BICD1: variants seen among roughly 807,000 people sequenced by gnomAD.
BICD1 encodes the protein BICD cargo adaptor 1.
A neutral mutation model predicts 92.5 loss-of-function variants in BICD1; 35 were observed. The observed-to-expected ratio is 0.38, with a 90% confidence interval of 0.29 to 0.50. The LOEUF (loss-of-function observed/expected upper bound fraction) is 0.50. BICD1 is among the 20% of genes least tolerant of loss of function. The pLI, the probability that BICD1 is intolerant of heterozygous loss-of-function variation, is 0.93. For synonymous variants in BICD1, 429 were observed against 465.1 expected (o/e 0.92, Z 1.00); for missense variants, 950 against 1,189.8 (o/e 0.80, Z 2.97).
chr12:32,279,381 G>A (rs772622361), intron 2 of BICD1, among the ~76,000 whole-genome samples: 9 of 152,300 alleles, frequency 5.9e-5, no homozygotes, highest in Non-Finnish European at 1.3e-4. Flanking sequence ...AAATATATGA[G>A]TTATAGCTCG....
At chr12:32,369,385 G>C (rs1939644777) in intron 9 of BICD1, among the ~76,000 whole-genome samples, 1 of 152,236 alleles carries the variant, frequency 6.6e-6, no homozygotes, top group Non-Finnish European at 1.5e-5. Flanking sequence ...CCAGGGGAAG[G>C]CTTCTTTTGA....
At chr12:32,114,378 ACTTT>A (rs1279739760) in intron 1 of BICD1, among the ~76,000 whole-genome samples, 2 of 151,818 alleles carry the variant, frequency 1.3e-5, no homozygotes, top group Non-Finnish European at 2.9e-5. Flanking sequence ...CAGATCCTCA[ACTTT>A]CTTTTTTTTC....
At chr12:32,290,197 C>G (rs1314113533) in intron 2 of BICD1, among the ~76,000 whole-genome samples, 1 of 118,816 alleles carries the variant, frequency 8.4e-6, no homozygotes, top group Non-Finnish European at 1.9e-5. Context: ...AAGCAGGTTT[C>G]CAAAACAACC....
At chr12:32,148,677 C>T (rs913180746) in intron 1 of BICD1, among the ~76,000 whole-genome samples, 2 of 152,128 alleles carry the variant, frequency 1.3e-5, no homozygotes, top group Non-Finnish European at 2.9e-5. Context: ...GACCATGCAG[C>T]TTTCCACTGG....
intron 1 of BICD1, among the ~76,000 whole-genome samples, chr12:32,188,382 A>G (rs1350203407): frequency 1.3e-5 from 2 of 152,244 alleles, no homozygotes; most frequent in Non-Finnish European, 2.9e-5. Context: ...CACATCATAG[A>G]CATTGAGTTA....
At chr12:32,174,523 T>G (rs996625432) in intron 1 of BICD1, among the ~76,000 whole-genome samples, 7 of 151,978 alleles carry the variant, frequency 4.6e-5, no homozygotes, top group Non-Finnish European at 5.9e-5. Context: ...AGAGAAAAAA[T>G]TAATCCATTG....
chr12:32,241,131 C>A (rs967890498), intron 2 of BICD1, among the ~76,000 whole-genome samples: 3 of 152,108 alleles, frequency 2.0e-5, no homozygotes, highest in Non-Finnish European at 2.9e-5. Context: ...TCGATGTGTA[C>A]GTGCAGAAAG....
chr12:32,372,278 G>A (rs901092128), intron 9 of BICD1, among the ~76,000 whole-genome samples: 1 of 151,906 alleles, frequency 6.6e-6, no homozygotes, highest in African/African-American at 2.4e-5. Flanking sequence ...TCAGGAGTTC[G>A]AGACCAGCCT....
intron 3 of BICD1, among the ~76,000 whole-genome samples, chr12:32,296,190 C>T (rs1947862737): frequency 6.7e-6 from 1 of 150,174 alleles, no homozygotes; most frequent in Admixed American, 6.6e-5. Context: ...GAAATGTAGA[C>T]TTAGAAAAAT....
intron 2 of BICD1, among the ~76,000 whole-genome samples, chr12:32,241,364 A>C (rs1251996319): frequency 6.6e-6 from 1 of 152,186 alleles, no homozygotes; most frequent in East Asian, 1.9e-4. Flanking sequence ...AATTTATTCT[A>C]ATACTAGAAT....
rs537418519 is a variant in BICD1, at chr12:32,165,703, A to G, written c.214-50544A>G. 2.7e-5 allele frequency among the ~76,000 whole-genome samples: 4 copies of G among 146,982 alleles called. No individual in the cohort carries two copies. The South Asian group carries it at 8.7e-4, about 32-fold the overall frequency. On this transcript the variant is annotated intron_variant, in intron 1 of 9. Transcript: ENST00000652176. ...GTCTCAAAAAAAAAAAAAAAAAAGT[A>G]TTTGAGTTGATGCTCTGTCAAAACT...
At chr12:32,218,739 A>G (rs566193094) in intron 2 of BICD1, among the ~76,000 whole-genome samples, 2 of 152,348 alleles carry the variant, frequency 1.3e-5, no homozygotes, top group East Asian at 3.9e-4. Flanking sequence ...AAAAGAAAAA[A>G]AAGATCTTGT....
At chr12:32,377,493 C>G in intron 9 of BICD1, 47 bp from the exon 10 acceptor site, 1 of 1,466,442 alleles carries the variant, frequency 6.8e-7, no homozygotes. Flanking sequence ...TTGTGCCTGG[C>G]CCTTTGAAAT....
Position 32,168,352 on chromosome 12 carries a change from G to A in BICD1, c.214-47895G>A, listed in dbSNP as rs148144539. On this transcript the variant is annotated intron_variant, in intron 1 of 9. Transcript: ENST00000652176. ...TACTCACATGGTGAGACTTGGCTTG[G>A]GTGAGTCATTTCTTTGAAGACCCTC... Among the ~76,000 whole-genome samples, 308 of 152,138 alleles carry A rather than the reference G, an allele frequency of 2.0e-3. 1 individual carries two copies. The highest frequency in any genetic ancestry group is 7.0e-3 in the African/African-American group (292 of 41,506).
At chr12:32,157,518 CTA>C (rs796846991) in intron 1 of BICD1, among the ~76,000 whole-genome samples, 3 of 152,300 alleles carry the variant, frequency 2.0e-5, no homozygotes, top group Admixed American at 1.3e-4. Context: ...TCCACATACT[CTA>C]TGTGTAAATA....
intron 2 of BICD1, among the ~76,000 whole-genome samples, chr12:32,282,923 T>C (rs1015028707): frequency 2.0e-5 from 3 of 152,186 alleles, no homozygotes; most frequent in African/African-American, 7.2e-5. Context: ...AGGAATGTGA[T>C]TTAAGAATAG....
intron 2 of BICD1, among the ~76,000 whole-genome samples, chr12:32,273,009 T>C (rs909817191): frequency 1.3e-5 from 2 of 152,220 alleles, no homozygotes; most frequent in Admixed American, 1.3e-4. Context: ...TGTTTCTCAT[T>C]GCTCTGGAGT....
At chr12:32,295,655 T>TC (rs1422357810) in intron 3 of BICD1, among the ~76,000 whole-genome samples, 21 of 135,172 alleles carry the variant, frequency 1.6e-4, no homozygotes, top group African/African-American at 6.5e-4. Context: ...AAATTTGATT[T>TC]CTTTTTTTTT....
chr12:32,300,667 A>G (rs77911844), intron 3 of BICD1, among the ~76,000 whole-genome samples: 24,686 of 120,448 alleles, frequency 0.2, 2,867 homozygotes, highest in African/African-American at 0.35. Flanking sequence ...TTTTGGAGAC[A>G]GAGTCCAGCT....
Sources: gnomAD v4.1 joint callset for allele counts (sites outside exome capture counted in the v4.1 genomes callset) on GRCh38, gnomAD v4.1.1 for gene constraint, MANE v1.5 for transcripts, NCBI Gene and HGNC (gene_info 2026-07-23, HGNC 2026-07-21) for gene names.